Variants in C7 observed in about 807,000 individuals in gnomAD.
The protein encoded by C7 is complement C7.
A neutral mutation model predicts 104.8 loss-of-function variants in C7; 83 were observed. The observed-to-expected ratio is 0.79, with a 90% CI of 0.66 to 0.95. The LOEUF is 0.95. Ranked by LOEUF, C7 falls within the 40% of genes least tolerant of loss-of-function variation. The pLI is 0.00. For synonymous variants in C7, 415 were observed against 360.6 expected, an observed-to-expected ratio of 1.15 and a Z score of -1.71; for missense variants, 1,070 against 1,011.2, an observed-to-expected ratio of 1.06 and a Z score of -0.79.
chr5:40,944,314 C>T (rs1740002181), intron 6 of C7, among the ~76,000 whole-genome samples: 1 of 152,168 alleles, frequency 6.6e-6, no homozygotes, highest in African/African-American at 2.4e-5. Flanking sequence ...TTGTCTATAA[C>T]TTTAACAAAT....
chr5:40,920,811 G>A (rs996321459), intron 1 of C7, among the ~76,000 whole-genome samples: 4 of 152,174 alleles, frequency 2.6e-5, no homozygotes, highest in African/African-American at 9.7e-5. Flanking sequence ...CACTTTGGGA[G>A]GCCAAGGAGG....
intron 1 of C7, among the ~76,000 whole-genome samples, chr5:40,914,381 A>C (rs1466722278): frequency 1.3e-5 from 2 of 152,150 alleles, no homozygotes; most frequent in African/African-American, 4.8e-5. Flanking sequence ...TCAGATGCAT[A>C]ATTTGCAGAT....
intron 16 of C7, among the ~76,000 whole-genome samples, chr5:40,978,735 T>C (rs1466469841): frequency 1.3e-5 from 2 of 152,128 alleles, no homozygotes; most frequent in Non-Finnish European, 2.9e-5. Context: ...TTGTCTAAGG[T>C]TTCAGTGACA....
chr5:40,937,701 C>A lies in C7; in HGVS notation c.567+11C>A. ...TCCTATACATTCCAGGTACTTACGA[C>A]GTTATTGATTTCCAATCTGGAATTG... On this transcript the variant is annotated intron_variant, in intron 6 of 17. Coordinates refer to ENST00000313164, the MANE Select transcript of C7 (RefSeq NM_000587.4). 1.9e-6 allele frequency: 3 copies of A among 1,546,786 alleles called. No individual in the cohort carries two copies. Among genetic ancestry groups the A allele is most frequent in the Non-Finnish European group, 2.6e-6 (3 of 1,145,564 alleles).
At chr5:40,921,994 T>A (rs1307113964) in intron 1 of C7, among the ~76,000 whole-genome samples, 3 of 151,918 alleles carry the variant, frequency 2.0e-5, no homozygotes, top group Admixed American at 2.0e-4. Flanking sequence ...GCTAAGAACA[T>A]GCCATTGCAC....
At chr5:40,978,232 A>G (rs1335599296) in intron 16 of C7, among the ~76,000 whole-genome samples, 10 of 152,118 alleles carry the variant, frequency 6.6e-5, no homozygotes, top group Non-Finnish European at 2.9e-5. Context: ...TCTTGAAGCT[A>G]CAGTGGGTAA....
chr5:40,974,387 G>GC (rs541122936), intron 15 of C7, among the ~76,000 whole-genome samples: 2 of 138,150 alleles, frequency 1.4e-5, no homozygotes, highest in East Asian at 4.2e-4. Flanking sequence ...TAATTCTATC[G>GC]TTTTTTTTTT....
intron 1 of C7, among the ~76,000 whole-genome samples, chr5:40,922,029 C>G (rs547507467): frequency 2.0e-5 from 3 of 150,962 alleles, no homozygotes; most frequent in Non-Finnish European, 4.4e-5. Context: ...CAGAGCAAGA[C>G]TCTGTCTCAA....
At chr5:40,976,878 A>G (rs765949395) in intron 16 of C7, 38 bp downstream of exon 16, 209 of 1,440,880 alleles carry the variant, frequency 1.5e-4, no homozygotes, top group Non-Finnish European at 1.9e-4. Context: ...GTTTTATTTT[A>G]TTAATGATAA....
intron 8 of C7, 116 bp downstream of exon 8, chr5:40,947,961 G>A: frequency 1.9e-6 from 2 of 1,072,730 alleles, no homozygotes; most frequent in South Asian, 2.8e-5. Flanking sequence ...AATTTAAATT[G>A]CAAAGGAATC....
chr5:40,927,436 CAAT>C (rs2111568237), intron 1 of C7, among the ~76,000 whole-genome samples: 1 of 151,892 alleles, frequency 6.6e-6, no homozygotes, highest in South Asian at 2.1e-4. Flanking sequence ...GCAAAGGAGA[CAAT>C]GATCAGTTTT....
intron 12 of C7, among the ~76,000 whole-genome samples, chr5:40,960,381 T>C (rs1579865506): frequency 1.3e-5 from 2 of 152,144 alleles, no homozygotes; most frequent in East Asian, 1.9e-4. Context: ...GTAGGGTGAA[T>C]AAAGAAAAAA....
In C7 at chr5:40,949,890, A is replaced by AT. The variant is rs1308955815; in HGVS notation, c.983-10dup. 4.1e-6 allele frequency: 6 copies of AT among 1,474,370 alleles called. No homozygotes were observed. In the East Asian group the frequency reaches 7.0e-5, roughly 17 times the overall value. 91.3% of individuals were successfully genotyped at this position (1,474,370 alleles called of 1,614,324 possible). A position where few individuals can be genotyped will look rare whatever the true frequency, so the allele number is the denominator to read the frequency against. On this transcript the variant is annotated splice_polypyrimidine_tract_variant and intron_variant, in intron 8 of 17. Transcript: ENST00000313164. Reference sequence around the variant, plus strand: ...CAGAAATTAAACATGTCTCTTTTACATTTTCTCCCCTAGATTTTAATTCAG... The same window carrying AT: ...CAGAAATTAAACATGTCTCTTTTACATTTTTCTCCCCTAGATTTTAATTCAG...
intron 1 of C7, chr5:40,911,040 A>G (rs1276196924): frequency 6.6e-6 from 1 of 152,206 alleles, no homozygotes; most frequent in East Asian, 1.9e-4. Flanking sequence ...CAAATAAAGC[A>G]ATTAATTTTT....
chr5:40,971,829 T>C (rs1017583259), intron 14 of C7, among the ~76,000 whole-genome samples: 1 of 152,170 alleles, frequency 6.6e-6, no homozygotes, highest in African/African-American at 2.4e-5. Context: ...CCCATCACCA[T>C]TTATTAAACA....
chr5:40,975,875 G>T (rs1168998541), intron 15 of C7, among the ~76,000 whole-genome samples: 3 of 152,122 alleles, frequency 2.0e-5, no homozygotes, highest in Admixed American at 6.5e-5. Context: ...TATAGATATA[G>T]TAAATGACTA....
At chr5:40,978,362 C>A (rs1243563958) in intron 16 of C7, among the ~76,000 whole-genome samples, 5 of 152,056 alleles carry the variant, frequency 3.3e-5, no homozygotes, top group Non-Finnish European at 7.4e-5. Context: ...TGCTGCTAAT[C>A]TTTAATAATT....
rs377251576 is a variant in C7, at chr5:40,949,956, C to A, written c.1035C>A (p.Val345=). The stretch of plus-strand genomic sequence containing the variant: ...GTAAATCCTCAGGTTGGCATTTTGT[C>A]GTTAAATTTTCAAGTCATGGATGCA... ...KKCKSSGWHF[V]VKFSSHGCKE... Residue 345 remains valine (V), a synonymous_variant, in exon 9 of 18, where the codon GTC becomes GTA. Coordinates refer to ENST00000313164, the MANE Select transcript of C7 (RefSeq NM_000587.4). 2.5e-6 allele frequency: 4 copies of A among 1,600,982 alleles called. No individual in the cohort carries two copies. Among genetic ancestry groups the A allele is most frequent in the Non-Finnish European group, 3.4e-6 (4 of 1,173,288 alleles).
At position 40,983,879 on chromosome 5, in the gene C7, G is replaced by A. The variant is rs1741006186; in HGVS notation, c.*2306G>A. 6.6e-6 allele frequency among the ~76,000 whole-genome samples: 1 copy of A among 152,150 alleles called. No homozygotes were observed. Among genetic ancestry groups the A allele is most frequent in the Non-Finnish European group, 1.5e-5 (1 of 68,030 alleles). On this transcript the variant is annotated 3_prime_UTR_variant, in exon 18 of 18. Transcript: ENST00000313164. The stretch of plus-strand genomic sequence containing the variant: ...GTGAGGGTCATCTGGGTTAGAAGGG[G>A]ATAGAGCCTTGGAGGAGGCAGAGGG...
Sources: allele counts gnomAD v4.1 joint callset (sites outside exome capture counted in the v4.1 genomes callset), GRCh38; gene constraint gnomAD v4.1.1; transcripts MANE v1.5; gene names NCBI Gene and HGNC (gene_info 2026-07-23, HGNC 2026-07-21).